CCDC102B: variants seen among roughly 807,000 people sequenced by gnomAD.
CCDC102B encodes coiled-coil domain containing 102B.
CCDC102B carries 75 observed loss-of-function variants against 57.4 expected under a neutral mutation model. The observed-to-expected ratio is 1.31, with a 90% CI of 1.08 to 1.58. CCDC102B has a LOEUF of 1.58. Among genes scored for constraint, CCDC102B ranks in the 40% most tolerant of loss-of-function variants. CCDC102B has a pLI of 0.00. For synonymous variants in CCDC102B, 206 were observed against 201.9 expected (o/e 1.02, Z -0.17); for missense variants, 636 against 582.6 (o/e 1.09, Z -0.94).
chr18:68,797,221 C>A (rs535218782), upstream of CCDC102B, among the ~76,000 whole-genome samples: 3 of 152,050 alleles, frequency 2.0e-5, no homozygotes, highest in East Asian at 5.8e-4. Context: ...GATGATAACA[C>A]CGTAATAAGC....
At chr18:68,752,338 G>T (rs1472674680) in intron 2 of CCDC102B, among the ~76,000 whole-genome samples, 2 of 151,846 alleles carry the variant, frequency 1.3e-5, no homozygotes, top group Non-Finnish European at 2.9e-5. Context: ...AACAATGGAA[G>T]CCAGGAGAAA....
intron 6 of CCDC102B, among the ~76,000 whole-genome samples, chr18:68,915,235 A>G (rs2145089239): frequency 6.6e-6 from 1 of 152,360 alleles, no homozygotes; most frequent in Admixed American, 6.5e-5. Context: ...AGCATGTGCA[A>G]GGAGCAGCAA....
chr18:69,018,377 A>C (rs1261130070), intron 7 of CCDC102B, among the ~76,000 whole-genome samples: 2 of 152,146 alleles, frequency 1.3e-5, no homozygotes, highest in Admixed American at 6.5e-5. Context: ...GGATATACTA[A>C]TTTAGATTCT....
At chr18:68,716,341 G>C (rs2031989771) in intron 1 of CCDC102B, among the ~76,000 whole-genome samples, 1 of 151,242 alleles carries the variant, frequency 6.6e-6, no homozygotes, top group African/African-American at 2.4e-5. Flanking sequence ...TCCACAGCAT[G>C]CAAAGTGAAA....
intron 1 of CCDC102B, among the ~76,000 whole-genome samples, chr18:68,835,807 A>G (rs1269543332): frequency 6.6e-6 from 1 of 152,188 alleles, no homozygotes; most frequent in African/African-American, 2.4e-5. Context: ...TTATTCAAAC[A>G]CACGGAAGGC....
chr18:68,911,668 C>A (rs1025247855), intron 6 of CCDC102B, among the ~76,000 whole-genome samples: 18 of 135,226 alleles, frequency 1.3e-4, no homozygotes, highest in Middle Eastern at 3.7e-3. Context: ...AGGAGAATGG[C>A]GTGAACCCGG....
intron 6 of CCDC102B, among the ~76,000 whole-genome samples, chr18:68,987,081 A>G (rs2050743282): frequency 6.6e-6 from 1 of 152,198 alleles, no homozygotes; most frequent in South Asian, 2.1e-4. Context: ...TCTTAAATTC[A>G]TATGGAACCA....
intron 1 of CCDC102B, among the ~76,000 whole-genome samples, chr18:68,826,130 A>T (rs544282553): frequency 6.6e-6 from 1 of 152,348 alleles, no homozygotes; most frequent in South Asian, 2.1e-4. Context: ...TTAGTGTTCT[A>T]AGAAACTAAA....
At chr18:68,820,054 T>A (rs1250153359) in intron 1 of CCDC102B, among the ~76,000 whole-genome samples, 1 of 152,114 alleles carries the variant, frequency 6.6e-6, no homozygotes, top group East Asian at 1.9e-4. Context: ...TTTAATTTCC[T>A]TTCCTCATCA....
At chr18:68,902,271 A>T (rs915092438) in intron 6 of CCDC102B, 6 of 152,128 alleles carry the variant, frequency 3.9e-5, no homozygotes, top group Admixed American at 3.9e-4. Context: ...AAAAAATATC[A>T]TTTCATATAT....
intron 7 of CCDC102B, among the ~76,000 whole-genome samples, chr18:69,029,761 A>G (rs201236769): frequency 6.6e-6 from 1 of 152,200 alleles, no homozygotes; most frequent in East Asian, 1.9e-4. Flanking sequence ...AGTTGGTTCC[A>G]GGAACACAAA....
chr18:68,791,566 CT>C (rs2035459914), intron 2 of CCDC102B, among the ~76,000 whole-genome samples: 1 of 151,734 alleles, frequency 6.6e-6, no homozygotes, highest in Admixed American at 6.6e-5. Context: ...CTTTGATAGC[CT>C]AATGTGTACA....
intron 2 of CCDC102B, among the ~76,000 whole-genome samples, chr18:68,763,880 C>T (rs2034338120): frequency 6.6e-6 from 1 of 151,954 alleles, no homozygotes; most frequent in Non-Finnish European, 1.5e-5. Context: ...ATAAAGTAGC[C>T]TTTTCCCCCA....
intron 6 of CCDC102B, among the ~76,000 whole-genome samples, chr18:68,919,573 C>T (rs2041200825): frequency 6.6e-6 from 1 of 152,116 alleles, no homozygotes; most frequent in Non-Finnish European, 1.5e-5. Flanking sequence ...GAGGCAATTC[C>T]TTACACAGAT....
intron 6 of CCDC102B, among the ~76,000 whole-genome samples, chr18:68,941,910 G>T (rs907875602): frequency 6.6e-6 from 1 of 152,014 alleles, no homozygotes; most frequent in African/African-American, 2.4e-5. Flanking sequence ...GCATCAAATA[G>T]TTTGGTTTCT....
At chr18:68,725,521 C>T (rs1222514216) in intron 2 of CCDC102B, among the ~76,000 whole-genome samples, 1 of 152,156 alleles carries the variant, frequency 6.6e-6, no homozygotes. Flanking sequence ...GGACTGAGGG[C>T]TCTGTTTCCT....
chr18:68,874,204 GTGTGTGTGTATA>G (rs1276478490), intron 4 of CCDC102B, among the ~76,000 whole-genome samples: 6 of 93,386 alleles, frequency 6.4e-5, no homozygotes, highest in African/African-American at 1.7e-4. Context: ...GTGTGTGTGT[GTGTGTGTGTATA>G]TATATATACT....
In CCDC102B at chr18:68,748,921, A is replaced by T. The variant is rs562780860; in HGVS notation, c.-67+32327A>T. On this transcript the variant is annotated intron_variant, in intron 2 of 3. Coordinates refer to the CCDC102B transcript ENST00000578970. The stretch of plus-strand genomic sequence containing the variant: ...TGCATGGTTTTAGGTCTAACATTTA[A>T]GTCTTTAATCCATCTTGAATTAATT... Among the ~76,000 whole-genome samples, 3 of 152,340 alleles carry T rather than the reference A, an allele frequency of 2.0e-5. No homozygotes were observed. The South Asian group carries it at 6.2e-4, about 32-fold the overall frequency.
chr18:69,008,153 T>C (rs906337001), intron 6 of CCDC102B, among the ~76,000 whole-genome samples: 3 of 152,258 alleles, frequency 2.0e-5, no homozygotes, highest in African/African-American at 4.8e-5. Context: ...AAAGATCTTT[T>C]TTTAAATGTT....
Sources: allele counts gnomAD v4.1 joint callset (sites outside exome capture counted in the v4.1 genomes callset), GRCh38; gene constraint gnomAD v4.1.1; transcripts MANE v1.5; gene names NCBI Gene and HGNC (gene_info 2026-07-23, HGNC 2026-07-21).